GPHN: variants seen among roughly 807,000 people sequenced by gnomAD.
GPHN encodes the protein gephyrin.
A neutral mutation model predicts 95.5 loss-of-function variants in GPHN; 17 were observed. The ratio of observed to expected loss-of-function variants is 0.18; its 90% CI spans 0.12 to 0.27. The LOEUF (loss-of-function observed/expected upper bound fraction) is 0.27, where lower values mean the gene tolerates loss of function less well. Ranked by LOEUF, GPHN falls within the 10% of genes least tolerant of loss-of-function variation. The pLI, the probability that GPHN is intolerant of heterozygous loss-of-function variation, is 1.00. For synonymous variants in GPHN, 320 were observed against 322.5 expected (o/e 0.99, Z 0.08); for missense variants, 660 against 978.1 (o/e 0.67, Z 4.34).
At chr14:66,799,106 A>G (rs572220498) in intron 3 of GPHN, among the ~76,000 whole-genome samples, 3 of 151,904 alleles carry the variant, frequency 2.0e-5, no homozygotes, top group African/African-American at 4.8e-5. Context: ...TTTAATTTCT[A>G]TATATTTGTA....
the GPHN span, chr14:67,584,146 T>G: frequency 1.2e-6 from 2 of 1,610,254 alleles, no homozygotes. Context: ...TGGAAGGAGC[T>G]GCCCACACCC....
chr14:67,426,381 C>A, the GPHN span, among the ~76,000 whole-genome samples: 2 of 151,998 alleles, frequency 1.3e-5, no homozygotes, highest in Non-Finnish European at 2.9e-5. Context: ...GGCTGTGAAA[C>A]CTTTGAAAGT....
chr14:67,245,645 C>G, the GPHN span, among the ~76,000 whole-genome samples: 2 of 152,040 alleles, frequency 1.3e-5, no homozygotes, highest in African/African-American at 4.8e-5. Context: ...AGCCGCTGCC[C>G]CAAAAGTTTT....
the GPHN span, among the ~76,000 whole-genome samples, chr14:67,495,219 T>G: frequency 6.6e-6 from 1 of 152,068 alleles, no homozygotes; most frequent in Non-Finnish European, 1.5e-5. Flanking sequence ...AGCTCTGGGG[T>G]TTCCGCCTGC....
chr14:67,707,503 A>T, the GPHN span, among the ~76,000 whole-genome samples: 2 of 152,274 alleles, frequency 1.3e-5, no homozygotes, highest in Admixed American at 1.3e-4. Flanking sequence ...ATCTCAGCTC[A>T]CTGCAACCTC....
At chr14:67,205,044 G>T in the GPHN span, 47 of 1,551,670 alleles carry the variant, frequency 3.0e-5, no homozygotes, top group Non-Finnish European at 4.0e-5. Flanking sequence ...GAGTCACAGT[G>T]GTGTTTGAAA....
At chr14:66,920,706 A>G (rs894282104) in intron 6 of GPHN, among the ~76,000 whole-genome samples, 1 of 151,430 alleles carries the variant, frequency 6.6e-6, no homozygotes, top group African/African-American at 2.4e-5. Context: ...AGAGGTATAC[A>G]CTGCACCATA....
At chr14:66,536,384 A>C (rs2059146826) in intron 1 of GPHN, among the ~76,000 whole-genome samples, 1 of 152,214 alleles carries the variant, frequency 6.6e-6, no homozygotes, top group Non-Finnish European at 1.5e-5. Flanking sequence ...ATGTTAAACC[A>C]ACTTTATACT....
chr14:66,619,926 A>C (rs1005568648), intron 1 of GPHN, among the ~76,000 whole-genome samples: 1 of 152,160 alleles, frequency 6.6e-6, no homozygotes, highest in Non-Finnish European at 1.5e-5. Flanking sequence ...AGATGGCTTT[A>C]TGGAAGAAGT....
the GPHN span, chr14:67,562,922 A>C: frequency 1.3e-6 from 2 of 1,599,514 alleles, no homozygotes; most frequent in South Asian, 1.1e-5. Flanking sequence ...GGCTGGGCAG[A>C]GGAGCAGAGC....
intron 11 of GPHN, among the ~76,000 whole-genome samples, chr14:67,081,001 A>T (rs1026491177): frequency 6.6e-6 from 1 of 151,960 alleles, no homozygotes; most frequent in Admixed American, 6.6e-5. Flanking sequence ...TTCTTTATCC[A>T]CTCATGGATT....
the GPHN span, among the ~76,000 whole-genome samples, chr14:67,248,161 A>G: frequency 6.6e-6 from 1 of 152,118 alleles, no homozygotes; most frequent in African/African-American, 2.4e-5. Context: ...TGTTTCTGGG[A>G]CTAACTCTGG....
chr14:67,349,111 A>G, the GPHN span: 3 of 1,613,318 alleles, frequency 1.9e-6, no homozygotes, highest in Non-Finnish European at 2.5e-6. Context: ...AGTGCTGCAG[A>G]AAAAGAGAAA....
the GPHN span, among the ~76,000 whole-genome samples, chr14:67,191,864 G>A: frequency 6.6e-6 from 1 of 152,148 alleles, no homozygotes; most frequent in Admixed American, 6.5e-5. Flanking sequence ...ACTAAAAGTA[G>A]CCAACTACAC....
chr14:67,044,808 TGTCTCTCTC>T (rs1454617782), intron 10 of GPHN, among the ~76,000 whole-genome samples: 1 of 151,254 alleles, frequency 6.6e-6, no homozygotes, highest in Non-Finnish European at 1.5e-5. Flanking sequence ...TGTCTCTCTC[TGTCTCTCTC>T]GTCTCTGTCT....
chr14:67,111,231 A>T (rs1446476619), intron 14 of GPHN, among the ~76,000 whole-genome samples: 1 of 152,236 alleles, frequency 6.6e-6, no homozygotes, highest in Non-Finnish European at 1.5e-5. Flanking sequence ...AAACTGCCTA[A>T]GCAGATTTAT....
intron 17 of GPHN, among the ~76,000 whole-genome samples, chr14:67,127,296 C>T (rs1006353060): frequency 1.3e-5 from 2 of 151,304 alleles, no homozygotes; most frequent in Admixed American, 6.6e-5. Context: ...GCCAAACTAC[C>T]CAATTCAGTT....
At chr14:66,857,621 C>T (rs1039812524) in intron 4 of GPHN, among the ~76,000 whole-genome samples, 2 of 152,114 alleles carry the variant, frequency 1.3e-5, no homozygotes, top group African/African-American at 4.8e-5. Flanking sequence ...AAGGCTCCAC[C>T]AGTCATACCC....
chr14:67,214,873 G>A, the GPHN span, among the ~76,000 whole-genome samples: 35,057 of 151,318 alleles, frequency 0.23, 5,586 homozygotes, highest in East Asian at 0.44. Flanking sequence ...CCTTGAAGAG[G>A]TCCTTCACAT....
Sources: allele counts gnomAD v4.1 joint callset (sites outside exome capture counted in the v4.1 genomes callset), GRCh38; gene constraint gnomAD v4.1.1; transcripts MANE v1.5; gene names NCBI Gene and HGNC (gene_info 2026-07-23, HGNC 2026-07-21).